Variants in UBR1 observed in about 807,000 individuals in gnomAD.
UBR1 encodes the protein ubiquitin protein ligase E3 component n-recognin 1.
Under a neutral mutation model 242.1 loss-of-function variants are expected in UBR1, and 102 were observed. The observed-to-expected ratio is 0.42, with a 90% confidence interval of 0.36 to 0.50. The LOEUF (loss-of-function observed/expected upper bound fraction) is 0.50, where lower values mean the gene tolerates loss of function less well. UBR1 is among the 20% of genes least tolerant of loss of function. UBR1 has a pLI of 0.01. For synonymous variants in UBR1, 675 were observed against 684.8 expected (o/e 0.99, Z 0.22); for missense variants, 1,772 against 2,101.8 (o/e 0.84, Z 3.07).
intron 1 of UBR1, among the ~76,000 whole-genome samples, chr15:43,101,577 C>T (rs1031937943): frequency 6.6e-6 from 1 of 152,126 alleles, no homozygotes; most frequent in African/African-American, 2.4e-5. Flanking sequence ...CATCTGTAAT[C>T]CCAGCAACTG....
intron 22 of UBR1, 84 bp from the exon 23 acceptor site, chr15:43,026,747 AG>A (rs2141307059): frequency 8.2e-7 from 1 of 1,225,720 alleles, no homozygotes; most frequent in East Asian, 2.4e-5. Context: ...AAATTAATCT[AG>A]AAGTCAAATA....
intron 25 of UBR1, among the ~76,000 whole-genome samples, chr15:43,023,546 T>C (rs1477589951): frequency 7.5e-6 from 1 of 133,926 alleles, no homozygotes; most frequent in Admixed American, 9.2e-5. Flanking sequence ...GCCAAGATTG[T>C]GTCACTGCAC....
intron 23 of UBR1, 82 bp downstream of exon 23, chr15:43,026,479 T>G: frequency 8.3e-7 from 1 of 1,205,272 alleles, no homozygotes; most frequent in East Asian, 2.4e-5. Context: ...CGTGAAACTA[T>G]AGAAAAAGCA....
At chr15:43,094,383 C>A (rs1184551659) in intron 1 of UBR1, among the ~76,000 whole-genome samples, 3 of 151,882 alleles carry the variant, frequency 2.0e-5, no homozygotes, top group South Asian at 4.2e-4. Context: ...GAGCTGAGAT[C>A]GTGCCACCAC....
At chr15:42,977,848 G>A (rs1291659807) in intron 38 of UBR1, 32 bp downstream of exon 38, 9 of 1,534,958 alleles carry the variant, frequency 5.9e-6, no homozygotes, top group East Asian at 2.3e-5. Flanking sequence ...TTATCAACAT[G>A]AGTGACTTAA....
At chr15:43,070,360 T>A (rs1671236758) in intron 5 of UBR1, among the ~76,000 whole-genome samples, 1 of 151,850 alleles carries the variant, frequency 6.6e-6, no homozygotes, top group African/African-American at 2.4e-5. Flanking sequence ...AAACTTTTCT[T>A]GATCAGGACA....
At chr15:43,066,373 A>G (rs2033752339) in intron 6 of UBR1, among the ~76,000 whole-genome samples, 1 of 152,098 alleles carries the variant, frequency 6.6e-6, no homozygotes, top group African/African-American at 2.4e-5. Flanking sequence ...ACTACAGACT[A>G]GTAGTATAAA....
chr15:43,042,117 CTA>C (rs551160558), intron 15 of UBR1, among the ~76,000 whole-genome samples: 29 of 152,248 alleles, frequency 1.9e-4, no homozygotes, highest in African/African-American at 6.7e-4. Context: ...AAGGAAAACA[CTA>C]TGATGGTTCC....
intron 12 of UBR1, among the ~76,000 whole-genome samples, chr15:43,052,349 T>C (rs1209084334): frequency 6.6e-6 from 1 of 152,134 alleles, no homozygotes; most frequent in African/African-American, 2.4e-5. Flanking sequence ...TTGTTCTGAA[T>C]GGACAAAGAG....
chr15:43,101,968 CAAAAAAAA>C (rs55875692), intron 1 of UBR1, among the ~76,000 whole-genome samples: 11 of 59,640 alleles, frequency 1.8e-4, no homozygotes, highest in African/African-American at 3.8e-4. Flanking sequence ...CCTTGGCTCA[CAAAAAAAA>C]AAAAAAAAAA....
chr15:43,002,150 A>C (rs2032735568), intron 32 of UBR1, among the ~76,000 whole-genome samples: 1 of 152,238 alleles, frequency 6.6e-6, no homozygotes, highest in Admixed American at 6.5e-5. Context: ...AAAAGTATTA[A>C]TTCCTTTAAA....
At chr15:42,952,519 G>C (rs527854086) in intron 44 of UBR1, 71 bp from the exon 45 acceptor site, 8 of 1,544,126 alleles carry the variant, frequency 5.2e-6, no homozygotes, top group Admixed American at 1.7e-5. Context: ...CATATATCCT[G>C]TTAGCAATCA....
At chr15:43,002,428 C>T (rs1446037219) in intron 32 of UBR1, 127 bp downstream of exon 32, 2 of 1,080,246 alleles carry the variant, frequency 1.9e-6, no homozygotes, top group African/African-American at 1.6e-5. Flanking sequence ...ACCATGTTAC[C>T]CAGGCTGGTC....
intron 37 of UBR1, among the ~76,000 whole-genome samples, chr15:42,980,091 T>C (rs999781902): frequency 6.6e-6 from 1 of 152,202 alleles, no homozygotes; most frequent in Non-Finnish European, 1.5e-5. Flanking sequence ...TCTTATTTTT[T>C]TCTCAATGTT....
intron 6 of UBR1, among the ~76,000 whole-genome samples, chr15:43,066,862 G>A (rs764309579): frequency 2.0e-5 from 3 of 152,202 alleles, no homozygotes; most frequent in East Asian, 1.9e-4. Flanking sequence ...GGCCTCAAGC[G>A]ATCCTCCTAC....
chr15:42,965,330 GCTTCC>G (rs1311514526), intron 41 of UBR1, among the ~76,000 whole-genome samples: 1 of 152,138 alleles, frequency 6.6e-6, no homozygotes, highest in African/African-American at 2.4e-5. Flanking sequence ...CCACAGGAAG[GCTTCC>G]CTACTTTGGT....
At chr15:43,019,138 T>C (rs2033069582) in intron 27 of UBR1, among the ~76,000 whole-genome samples, 1 of 152,120 alleles carries the variant, frequency 6.6e-6, no homozygotes, top group South Asian at 2.1e-4. Context: ...CTCGGCTCAC[T>C]GCAAGCTCCA....
intron 40 of UBR1, among the ~76,000 whole-genome samples, chr15:42,967,063 G>T (rs2032117046): frequency 6.6e-6 from 1 of 151,660 alleles, no homozygotes; most frequent in African/African-American, 2.4e-5. Context: ...GGGACTAAAG[G>T]CACACGCCAC....
intron 34 of UBR1, 62 bp downstream of exon 34, chr15:42,989,965 ACAC>A: frequency 8.6e-7 from 1 of 1,157,564 alleles, no homozygotes. Context: ...ATGGAAGCCT[ACAC>A]TGTTTCCTAC....
Sources: gnomAD v4.1 joint callset for allele counts (sites outside exome capture counted in the v4.1 genomes callset) on GRCh38, gnomAD v4.1.1 for gene constraint, MANE v1.5 for transcripts, NCBI Gene and HGNC (gene_info 2026-07-23, HGNC 2026-07-21) for gene names.